RYR3: variants seen among roughly 807,000 people sequenced by gnomAD.
The protein encoded by RYR3 is ryanodine receptor 3.
RYR3 carries 207 observed loss-of-function variants against 584.3 expected under a neutral mutation model. The observed-to-expected ratio is 0.35, with a 90% CI of 0.32 to 0.40. The LOEUF is 0.40. Among genes scored for constraint, RYR3 ranks in the 10% least tolerant of loss-of-function variants. The probability of loss-of-function intolerance (pLI) is 1.00; values close to 1 mark genes in which losing one functional copy is unlikely to be tolerated. For missense variants in RYR3, 5,616 were observed against 6,089.2 expected (o/e 0.92, Z 2.59); for synonymous variants, 2,416 against 2,248.5 (o/e 1.07, Z -2.11).
chr15:33,483,447 G>A (rs1366688582), intron 2 of RYR3, among the ~76,000 whole-genome samples: 1 of 152,090 alleles, frequency 6.6e-6, no homozygotes, highest in African/African-American at 2.4e-5. Flanking sequence ...GAGGAATATT[G>A]TATTTTGTTG....
chr15:33,336,989 T>C (rs916936213), intron 1 of RYR3, among the ~76,000 whole-genome samples: 3 of 119,444 alleles, frequency 2.5e-5, no homozygotes, highest in South Asian at 2.6e-4. Context: ...ACCTGGGAGG[T>C]GGAGCTTGCA....
intron 47 of RYR3, among the ~76,000 whole-genome samples, chr15:33,730,024 A>G (rs12906810): frequency 0.11 from 17,044 of 151,996 alleles, 1,079 homozygotes; most frequent in East Asian, 0.29. Flanking sequence ...GTATTAGGGT[A>G]TACGATCCCT....
At chr15:33,841,802 TC>T in intron 90 of RYR3, 61 bp from the exon 91 acceptor site, 1 of 1,503,302 alleles carries the variant, frequency 6.7e-7, no homozygotes, top group Non-Finnish European at 8.9e-7. Flanking sequence ...TAATCTAGTC[TC>T]CCTTTTTGGG....
intron 85 of RYR3, among the ~76,000 whole-genome samples, chr15:33,828,629 A>G (rs2077499114): frequency 6.6e-6 from 1 of 152,228 alleles, no homozygotes; most frequent in Non-Finnish European, 1.5e-5. Flanking sequence ...TCTAATCTAG[A>G]GCAGGGCTCT....
At position 33,663,719 on chromosome 15, in the gene RYR3, C is replaced by T; in HGVS notation, c.5601C>T (p.Arg1867=). 3 of 1,607,634 alleles carry T rather than the reference C, an allele frequency of 1.9e-6. No individual in the cohort carries two copies. Among genetic ancestry groups the T allele is most frequent in the Non-Finnish European group, 2.5e-6 (3 of 1,177,676 alleles). The change falls in exon 36 of 104, where the codon CGC becomes CGT. Residue 1867 remains arginine (R), a synonymous_variant. Coordinates refer to ENST00000634891, the MANE Select transcript of RYR3 (RefSeq NM_001036.6). ...CTGCCCGGAAGACCAAGGAGTTCCG[C>T]TCACCCCCACAGGAGCAGGTGAGGG... ...ALTARKTKEF[R]SPPQEQINML... is the part of the protein sequence containing the mutation.
At chr15:33,566,534 T>C (rs2057725962) in intron 11 of RYR3, 144 bp from the exon 12 acceptor site, 1 of 830,484 alleles carries the variant, frequency 1.2e-6, no homozygotes, top group South Asian at 1.6e-5. Flanking sequence ...ATAGCTTCGC[T>C]AATGTCCCAT....
At chr15:33,414,227 A>C (rs1016722548) in intron 1 of RYR3, among the ~76,000 whole-genome samples, 12 of 152,210 alleles carry the variant, frequency 7.9e-5, no homozygotes, top group African/African-American at 2.7e-4. Context: ...AGAAAAGAGA[A>C]TGTGATTAAA....
chr15:33,647,295 A>C (rs986543399), intron 29 of RYR3, 129 bp from the exon 30 acceptor site: 1 of 687,524 alleles, frequency 1.5e-6, no homozygotes, highest in African/African-American at 1.8e-5. Context: ...GGTTGCAATC[A>C]CTTGTGTTTA....
At chr15:33,530,175 A>G (rs2054744064) in intron 3 of RYR3, among the ~76,000 whole-genome samples, 1 of 152,220 alleles carries the variant, frequency 6.6e-6, no homozygotes, top group South Asian at 2.1e-4. Flanking sequence ...CATGGCACAG[A>G]ATGTGACCAT....
At chr15:33,786,074 CA>C (rs2074688969) in intron 66 of RYR3, 92 bp downstream of exon 66, 3 of 1,146,026 alleles carry the variant, frequency 2.6e-6, no homozygotes, top group Non-Finnish European at 3.7e-6. Context: ...GATGGTTTTG[CA>C]CAAGCTCTAT....
At chr15:33,332,467 A>T (rs565658869) in intron 1 of RYR3, among the ~76,000 whole-genome samples, 1 of 151,946 alleles carries the variant, frequency 6.6e-6, no homozygotes, top group Admixed American at 6.6e-5. Context: ...TTAATAAGAC[A>T]CTGCATTCAG....
chr15:33,788,122 C>T (rs1051306188), intron 66 of RYR3, 96 bp from the exon 67 acceptor site: 12 of 1,478,860 alleles, frequency 8.1e-6, no homozygotes, highest in African/African-American at 5.5e-5. Flanking sequence ...CATCCTGAGT[C>T]GATGGGATTC....
chr15:33,370,599 A>G (rs1289740060), intron 1 of RYR3, among the ~76,000 whole-genome samples: 2 of 152,158 alleles, frequency 1.3e-5, no homozygotes, highest in Non-Finnish European at 2.9e-5. Flanking sequence ...TGGACATATT[A>G]TAGGTGCCCA....
chr15:33,470,311 T>C (rs1410776132), intron 1 of RYR3, among the ~76,000 whole-genome samples: 5 of 152,306 alleles, frequency 3.3e-5, no homozygotes, highest in African/African-American at 9.6e-5. Context: ...TTATTTTATA[T>C]TGACAGAGTT....
intron 48 of RYR3, among the ~76,000 whole-genome samples, chr15:33,732,264 T>TGTA: frequency 1.3e-5 from 2 of 150,680 alleles, no homozygotes; most frequent in Admixed American, 1.3e-4. Context: ...GGCAGACGCC[T>TGTA]GTAGTCCCAG....
intron 1 of RYR3, among the ~76,000 whole-genome samples, chr15:33,458,826 T>C (rs2047781871): frequency 6.6e-6 from 1 of 152,228 alleles, no homozygotes; most frequent in Admixed American, 6.5e-5. Context: ...CTTTGGTGAC[T>C]GGTGTTTTCT....
At position 33,603,260 on chromosome 15, in the gene RYR3, C is replaced by A. The variant is rs1342739764; in HGVS notation, c.2060C>A (p.Ser687Tyr). 1 of 1,613,794 alleles carries A rather than the reference C, an allele frequency of 6.2e-7. No homozygotes were observed. The highest frequency in any genetic ancestry group is 2.2e-5 in the East Asian group (1 of 44,876). ...CATCTGCGGGTGGGCTGGGCCTCTT[C>A]TTCAGGCTATGCCCCATACCCAGGA... ...PTHLRVGWAS[S>Y]SGYAPYPGGG... Residue 687 changes from serine (S) to tyrosine (Y), a missense_variant, in exon 18 of 104, where the codon TCT (serine) becomes TAT (tyrosine). Coordinates refer to ENST00000634891, the MANE Select transcript of RYR3 (RefSeq NM_001036.6).
rs144052831 is a variant in RYR3, at chr15:33,644,165, G to A, written c.3557-146G>A. ...TGGCCTCCTGTTGTTGATTTTATGT[G>A]CCAGGAAGAAAGAAAGAAAGAACGG... On this transcript the variant is annotated intron_variant, in intron 27 of 103. Transcript: ENST00000634891. 2.3e-4 allele frequency: 146 copies of A among 638,782 alleles called. 1 individual carries two copies. In the East Asian group the frequency reaches 3.9e-3, roughly 17 times the overall value. The allele number at this position is 638,782 out of a possible 1,614,324, so 39.6% of individuals were successfully genotyped here.
chr15:33,697,283 C>A (rs2879406), intron 39 of RYR3, among the ~76,000 whole-genome samples: 139,312 of 152,254 alleles, frequency 0.91, 63,775 homozygotes, highest in East Asian at 1. Flanking sequence ...ATAAATGAAG[C>A]GACTTTTATG....
Sources: gnomAD v4.1 joint callset for allele counts (sites outside exome capture counted in the v4.1 genomes callset) on GRCh38, gnomAD v4.1.1 for gene constraint, MANE v1.5 for transcripts, NCBI Gene and HGNC (gene_info 2026-07-23, HGNC 2026-07-21) for gene names.